IGSF22: variants seen among roughly 807,000 people sequenced by gnomAD.
IGSF22 encodes the protein immunoglobulin superfamily, member 22.
Under a neutral mutation model 127.0 loss-of-function variants are expected in IGSF22, and 119 were observed. That is an observed-to-expected ratio of 0.94 (90% CI 0.81 to 1.09). The LOEUF is 1.09. Ranked by LOEUF, IGSF22 falls within the 50% of genes least tolerant of loss-of-function variation. The pLI is 0.00. For missense variants in IGSF22, 1,518 were observed against 1,716.6 expected (o/e 0.88, Z 2.04); for synonymous variants, 568 against 664.7 (o/e 0.85, Z 2.24).
chr11:18,711,954 G>A (rs1250204935), intron 15 of IGSF22, 128 bp downstream of exon 15: 13 of 775,220 alleles, frequency 1.7e-5, no homozygotes, highest in African/African-American at 5.3e-5. Flanking sequence ...CTCTGGAATC[G>A]GTCTGTCTCA....
chr11:18,714,694 G>T, intron 11 of IGSF22, 70 bp from the exon 12 acceptor site: 3 of 1,581,256 alleles, frequency 1.9e-6, no homozygotes, highest in Admixed American at 1.8e-5. Flanking sequence ...GAAAAGGGCT[G>T]GTAGCGATGG....
In IGSF22 at chr11:18,714,435, G is replaced by GGCCTGAGTGTGA; in HGVS notation, c.1657-29_1657-18dup. ...GTCCGTGATCTGGGGGTCAGGGGTGGGCCTGAGTGTGAGCATAGGCCAGGT... is the reference window on the plus strand; with the variant it reads ...GTCCGTGATCTGGGGGTCAGGGGTGGGCCTGAGTGTGAGCCTGAGTGTGAGCATAGGCCAGGT... On this transcript the variant is annotated splice_polypyrimidine_tract_variant and intron_variant, in intron 12 of 22. Coordinates refer to ENST00000513874, the MANE Select transcript of IGSF22 (RefSeq NM_173588.4). 1 of 1,613,924 alleles carries GGCCTGAGTGTGA rather than the reference G, an allele frequency of 6.2e-7. No individual in the cohort carries two copies. Among genetic ancestry groups the GGCCTGAGTGTGA allele is most frequent in the South Asian group, 1.1e-5 (1 of 91,070 alleles).
rs1335466012 is a variant in IGSF22 at position 18,716,568 on chromosome 11, AG to A, written c.1246+159del. On this transcript the variant is annotated intron_variant, in intron 10 of 22. Transcript: ENST00000513874. This position sits in a 1 kb window ranked among gnomAD's most constrained non-coding sequence, Gnocchi z 4.5. Reference sequence around the variant, plus strand: ...TCATACCTGCCTCCCCTACTAGACTAGGGGTTAACAGAGAGGAGATCCCCCT... The same window carrying A: ...TCATACCTGCCTCCCCTACTAGACTAGGGTTAACAGAGAGGAGATCCCCCT... Among the ~76,000 whole-genome samples the A allele has an allele frequency of 6.6e-6, 1 of 152,152 alleles. No individual in the cohort carries two copies. The highest frequency in any genetic ancestry group is 1.5e-5 in the Non-Finnish European group (1 of 68,020).
In IGSF22 at chr11:18,718,633, G is replaced by T. The variant is rs1848506946; in HGVS notation, c.792C>A (p.Val264=). 1.2e-6 allele frequency: 2 copies of T among 1,608,812 alleles called. No homozygotes were observed. Among genetic ancestry groups the T allele is most frequent in the Non-Finnish European group, 1.7e-6 (2 of 1,175,224 alleles). Residue 264 remains valine (V), a synonymous_variant, in exon 8 of 23, where the codon GTC becomes GTA. Coordinates refer to ENST00000513874, the MANE Select transcript of IGSF22 (RefSeq NM_173588.4). ...DCIMELKDPN[V]KMIWIKGTEP... ...CCCCCACCTTGATCCATATCATCTT[G>T]ACATTGGGGTCTTTCAGTTCCATTA...
At position 18,709,438 on chromosome 11, in the gene IGSF22, C is replaced by G; in HGVS notation, c.2947G>C (p.Val983Leu). Residue 983 changes from valine to leucine, a missense_variant, in exon 18 of 23, where the codon GTT (valine) becomes CTT (leucine). By Grantham distance (32) the Val-to-Leu change is conservative. This residue lies in a region of IGSF22 where 1,456 missense variants were observed against 1,644.9 expected (regional missense o/e 0.89). Transcript: ENST00000513874. The surrounding 1 kb of genome is among the most constrained non-coding windows in gnomAD (Gnocchi z 4.8). ...FRIRAVNEAGVGEPVELDKGV... is the reference protein window; with the variant it reads ...FRIRAVNEAGLGEPVELDKGV... ...TTGTCTAGCTCCACAGGCTCCCCAA[C>G]CCCAGCCTCATTCACAGCCCGGATT... 6.2e-7 allele frequency: 1 copy of G among 1,614,204 alleles called. No homozygotes were observed. Among genetic ancestry groups the G allele is most frequent in the Non-Finnish European group, 8.5e-7 (1 of 1,180,040 alleles).
chr11:18,707,269 C>T (rs985542268), intron 20 of IGSF22, 56 bp from the exon 21 acceptor site: 7 of 1,415,650 alleles, frequency 4.9e-6, no homozygotes, highest in Non-Finnish European at 4.7e-6. Context: ...TATTATGTCC[C>T]CACCCCAGCC....
rs368304598 is a variant in IGSF22, at chr11:18,714,151, G to T, written c.1799-3C>A. 6.2e-7 allele frequency: 1 copy of T among 1,607,152 alleles called. No individual in the cohort carries two copies. The highest frequency in any genetic ancestry group is 8.5e-7 in the Non-Finnish European group (1 of 1,175,212). On this transcript the variant is annotated splice_region_variant and splice_polypyrimidine_tract_variant and intron_variant, in intron 13 of 22. Coordinates refer to ENST00000513874, the MANE Select transcript of IGSF22 (RefSeq NM_173588.4). Reference sequence around the variant, plus strand: ...TGACGGGTCGATGGTAGGAGGATCTGTGGGGCGGGGCGGCAGGGAAGGCTT... The same window carrying T: ...TGACGGGTCGATGGTAGGAGGATCTTTGGGGCGGGGCGGCAGGGAAGGCTT...
chr11:18,716,648 G>T lies in IGSF22; in HGVS notation c.1246+80C>A. On this transcript the variant is annotated intron_variant, in intron 10 of 22. Transcript: ENST00000513874. This position sits in a 1 kb window ranked among gnomAD's most constrained non-coding sequence, Gnocchi z 4.5. ...GCAAAAAGGAGATGGATGGATAGATGGATATATAAATGATGACTACCTGCA... is the reference window on the plus strand; with the variant it reads ...GCAAAAAGGAGATGGATGGATAGATTGATATATAAATGATGACTACCTGCA... 7.1e-7 allele frequency: 1 copy of T among 1,406,586 alleles called. No individual in the cohort carries two copies. Among genetic ancestry groups the T allele is most frequent in the Non-Finnish European group, 9.9e-7 (1 of 1,009,268 alleles). The allele number at this position is 1,406,586 out of a possible 1,614,324, so 87.1% of individuals were successfully genotyped here. A position where few individuals can be genotyped will look rare whatever the true frequency, so the allele number is the denominator to read the frequency against.
In IGSF22 at chr11:18,716,096, C is replaced by A. The variant is rs111446869; in HGVS notation, c.1247-380G>T. 0.016 allele frequency among the ~76,000 whole-genome samples: 2,458 copies of A among 152,268 alleles called. 56 individuals carry two copies. The highest frequency in any genetic ancestry group is 0.056 in the African/African-American group (2,311 of 41,528). ...ACCTCTGCTGGGGATGTTCTCTACTCTCCCTCATTCTTTGAAAGCAGTATT... is the reference window on the plus strand; with the variant it reads ...ACCTCTGCTGGGGATGTTCTCTACTATCCCTCATTCTTTGAAAGCAGTATT... On this transcript the variant is annotated intron_variant, in intron 10 of 22. Transcript: ENST00000513874. This position sits in a 1 kb window ranked among gnomAD's most constrained non-coding sequence, Gnocchi z 4.5.
At chr11:18,714,660 T>C (rs766072524) in intron 11 of IGSF22, 36 bp from the exon 12 acceptor site, 1 of 1,610,470 alleles carries the variant, frequency 6.2e-7, no homozygotes, top group African/African-American at 1.3e-5. Flanking sequence ...TGGCTCAGGA[T>C]GTTGGGGTGG....
At position 18,721,591 on chromosome 11, in the gene IGSF22, T is replaced by C. The variant is rs753505575; in HGVS notation, c.322A>G (p.Ile108Val). ...ISWKRESGIP[I>V]KESAKIFYDS... ...TAGAATATCTTGGCGGACTCCTTGATGGGGATGCCGCTCTCCCTCTTCCAG... is the reference window on the plus strand; with the variant it reads ...TAGAATATCTTGGCGGACTCCTTGACGGGGATGCCGCTCTCCCTCTTCCAG... The change falls in exon 4 of 23, where the codon ATC (isoleucine) becomes GTC (valine). Residue 108 changes from isoleucine (I) to valine (V), a missense_variant. Transcript: ENST00000513874. 1.2e-6 allele frequency: 2 copies of C among 1,614,222 alleles called. No homozygotes were observed. Among genetic ancestry groups the C allele is most frequent in the Admixed American group, 3.3e-5 (2 of 60,030 alleles).
rs1848304820 is a variant in IGSF22, at chr11:18,709,251, G to A, written c.2998+136C>T. On this transcript the variant is annotated intron_variant, in intron 18 of 22. Coordinates refer to ENST00000513874, the MANE Select transcript of IGSF22 (RefSeq NM_173588.4). The surrounding 1 kb of genome is among the most constrained non-coding windows in gnomAD (Gnocchi z 4.8). ...TGCCCCTGAAGTTACCCCTAACTTT[G>A]TCCAGGCACAACAACTATGGATGAC... 4 of 890,266 alleles carry A rather than the reference G, an allele frequency of 4.5e-6. No individual in the cohort carries two copies. In the African/African-American group the frequency reaches 6.7e-5, roughly 15 times the overall value. The allele number at this position is 890,266 out of a possible 1,614,324, so 55.1% of individuals were successfully genotyped here. A position where few individuals can be genotyped will look rare whatever the true frequency, so the allele number is the denominator to read the frequency against.
Position 18,709,026 on chromosome 11 carries a change from T to G in IGSF22, c.2998+361A>C, listed in dbSNP as rs1232704258. Among the ~76,000 whole-genome samples, 1 of 152,152 alleles carries G rather than the reference T, an allele frequency of 6.6e-6. No homozygotes were observed. Among genetic ancestry groups the G allele is most frequent in the Non-Finnish European group, 1.5e-5 (1 of 68,034 alleles). On this transcript the variant is annotated intron_variant, in intron 18 of 22. Coordinates refer to ENST00000513874, the MANE Select transcript of IGSF22 (RefSeq NM_173588.4). This position sits in a 1 kb window ranked among gnomAD's most constrained non-coding sequence, Gnocchi z 4.8. The stretch of plus-strand genomic sequence containing the variant: ...AGAAGCAGGCTCCCTGGACTTTGAA[T>G]TTTCGGGGAATTGATTTGGGTAATA...
At chr11:18,720,797 G>A (rs1173423999) in intron 4 of IGSF22, among the ~76,000 whole-genome samples, 1 of 152,174 alleles carries the variant, frequency 6.6e-6, no homozygotes, top group Admixed American at 6.5e-5. Context: ...TGGCCATCAG[G>A]GGGACTGGGG....
intron 15 of IGSF22, among the ~76,000 whole-genome samples, chr11:18,711,071 T>G (rs1254193731): frequency 1.3e-5 from 2 of 152,124 alleles, no homozygotes; most frequent in Non-Finnish European, 2.9e-5. Flanking sequence ...CCACAGTGCC[T>G]GGCACAAATG....
intron 1 of IGSF22, among the ~76,000 whole-genome samples, chr11:18,725,275 G>A (rs1044065074): frequency 5.9e-5 from 9 of 151,552 alleles, no homozygotes; most frequent in Admixed American, 5.9e-4. Flanking sequence ...TTACAGGCAC[G>A]TGCCACCATG....
Position 18,714,425 on chromosome 11 carries a change from G to A in IGSF22, c.1657-7C>T, listed in dbSNP as rs777757941. 6.2e-7 allele frequency: 1 copy of A among 1,614,056 alleles called. No homozygotes were observed. Among genetic ancestry groups the A allele is most frequent in the Non-Finnish European group, 8.5e-7 (1 of 1,179,880 alleles). ...TGCCTGGCAAGTCCGTGATCTGGGGGTCAGGGGTGGGCCTGAGTGTGAGCA... is the reference window on the plus strand; with the variant it reads ...TGCCTGGCAAGTCCGTGATCTGGGGATCAGGGGTGGGCCTGAGTGTGAGCA... On this transcript the variant is annotated splice_region_variant and splice_polypyrimidine_tract_variant and intron_variant, in intron 12 of 22. Coordinates refer to ENST00000513874, the MANE Select transcript of IGSF22 (RefSeq NM_173588.4).
In IGSF22 at chr11:18,706,717, C is replaced by G. The variant is rs947910973; in HGVS notation, c.3580+197G>C. ...CTCTGCCCCCAAAGGTACCTCCCCACCTCCACTTTAGTCTCACCCCTAAGT... is the reference window on the plus strand; with the variant it reads ...CTCTGCCCCCAAAGGTACCTCCCCAGCTCCACTTTAGTCTCACCCCTAAGT... On this transcript the variant is annotated intron_variant, in intron 21 of 22. Coordinates refer to ENST00000513874, the MANE Select transcript of IGSF22 (RefSeq NM_173588.4). 3 of 523,946 alleles carry G rather than the reference C, an allele frequency of 5.7e-6. No individual in the cohort carries two copies. The African/African-American group carries it at 5.7e-5, about 10-fold the overall frequency. The allele number at this position is 523,946 out of a possible 1,614,324, so 32.5% of individuals were successfully genotyped here. A position where few individuals can be genotyped will look rare whatever the true frequency, so the allele number is the denominator to read the frequency against.
At position 18,709,660 on chromosome 11, in the gene IGSF22, G is replaced by A. The variant is rs560348157; in HGVS notation, c.2725C>T (p.Leu909=). 1.2e-6 allele frequency: 2 copies of A among 1,614,010 alleles called. No individual in the cohort carries two copies. Among genetic ancestry groups the A allele is most frequent in the African/African-American group, 2.7e-5 (2 of 75,026 alleles). Residue 909 remains leucine, a synonymous_variant, in exon 18 of 23, where the codon CTG becomes TTG. Transcript: ENST00000513874. This position sits in a 1 kb window ranked among gnomAD's most constrained non-coding sequence, Gnocchi z 4.8. ...PVKPPGLVQD[L]HVSDSSNSSI... ...GAGTTGGAGGAATCAGATACATGCA[G>A]GTCCTGGACCAGGCCTGGGGGTTCT...
Sources: allele counts gnomAD v4.1 joint callset (sites outside exome capture counted in the v4.1 genomes callset), GRCh38; gene constraint gnomAD v4.1.1; regional missense constraint gnomAD v4.1.1; non-coding constraint Gnocchi (gnomAD v3.1); transcripts MANE v1.5; gene names NCBI Gene and HGNC (gene_info 2026-07-23, HGNC 2026-07-21).